The following MYO1D variants were observed in gnomAD, a reference collection of about 807,000 sequenced individuals.
The protein encoded by MYO1D is myosin ID.
Under a neutral mutation model 122.0 loss-of-function variants are expected in MYO1D, and 83 were observed. That is an observed-to-expected ratio of 0.68 (90% CI 0.57 to 0.82). MYO1D has a LOEUF of 0.82. Ranked by LOEUF, MYO1D falls within the 40% of genes least tolerant of loss-of-function variation. The pLI is 0.00. For synonymous variants in MYO1D, 464 were observed against 446.9 expected, an observed-to-expected ratio of 1.04 and a Z score of -0.48; for missense variants, 1,157 against 1,269.5, an observed-to-expected ratio of 0.91 and a Z score of 1.35.
chr17:32,785,362 G>A lies in MYO1D; in HGVS notation c.96-4578C>T, dbSNP rs557986009. ...GTATGGTATTAACAAAACCTTATTC[G>A]TAAGTATTATTCATTTACTTGAGGA... On this transcript the variant is annotated intron_variant, in intron 1 of 21. Coordinates refer to ENST00000318217, the MANE Select transcript of MYO1D (RefSeq NM_015194.3). Among the ~76,000 whole-genome samples the A allele has an allele frequency of 5.9e-5, 9 of 152,092 alleles. No homozygotes were observed. In the South Asian group the frequency reaches 1.5e-3, roughly 25 times the overall value.
chr17:32,736,475 G>T (rs2089702402), intron 14 of MYO1D, among the ~76,000 whole-genome samples: 1 of 152,200 alleles, frequency 6.6e-6, no homozygotes, highest in African/African-American at 2.4e-5. Flanking sequence ...AGAGCGGAAG[G>T]ACAGAAAGAA....
At chr17:32,657,780 A>T (rs757213468) in intron 17 of MYO1D, among the ~76,000 whole-genome samples, 2 of 152,242 alleles carry the variant, frequency 1.3e-5, no homozygotes, top group Non-Finnish European at 2.9e-5. Flanking sequence ...TGAATTTTGT[A>T]CAAAACAATC....
rs138833632 is a variant in MYO1D at position 32,664,986 on chromosome 17, G to A, written c.2122-5648C>T. 2.7e-3 allele frequency among the ~76,000 whole-genome samples: 414 copies of A among 152,054 alleles called. 1 individual carries two copies. The highest frequency in any genetic ancestry group is 9.1e-3 in the African/African-American group (378 of 41,486). ...TCTCCCGCTGTCCTCTCCCCTGCTC[G>A]CTCCCGCCATACTGGCCTCCCTGCT... On this transcript the variant is annotated intron_variant, in intron 16 of 21. Coordinates refer to ENST00000318217, the MANE Select transcript of MYO1D (RefSeq NM_015194.3).
chr17:32,861,478 T>C (rs1567676043), intron 1 of MYO1D, among the ~76,000 whole-genome samples: 2 of 152,208 alleles, frequency 1.3e-5, no homozygotes, highest in South Asian at 4.1e-4. Flanking sequence ...AGAGAGATTA[T>C]AGGAGCTAAA....
At chr17:32,626,320 T>TA (rs2087927806) in intron 20 of MYO1D, among the ~76,000 whole-genome samples, 1 of 152,338 alleles carries the variant, frequency 6.6e-6, no homozygotes, top group African/African-American at 2.4e-5. Flanking sequence ...TGTAGAGATG[T>TA]AAAAAATATA....
chr17:32,639,156 G>A (rs955653975), intron 19 of MYO1D, among the ~76,000 whole-genome samples: 1 of 152,058 alleles, frequency 6.6e-6, no homozygotes, highest in African/African-American at 2.4e-5. Flanking sequence ...AAAGGGACTT[G>A]TATCTGGACT....
intron 1 of MYO1D, among the ~76,000 whole-genome samples, chr17:32,828,581 C>G (rs1366911227): frequency 6.7e-6 from 1 of 149,600 alleles, no homozygotes; most frequent in Non-Finnish European, 1.5e-5. Flanking sequence ...ATGAGTCAAG[C>G]AGAGAATGAG....
intron 16 of MYO1D, among the ~76,000 whole-genome samples, chr17:32,702,279 TTTA>T (rs1356766924): frequency 1.3e-5 from 2 of 152,226 alleles, no homozygotes; most frequent in Non-Finnish European, 2.9e-5. Context: ...CCTGCACTGA[TTTA>T]TTGATAAAAT....
At chr17:32,535,742 C>A (rs1220046135) in intron 21 of MYO1D, among the ~76,000 whole-genome samples, 4 of 150,850 alleles carry the variant, frequency 2.7e-5, no homozygotes, top group Admixed American at 1.3e-4. Context: ...CAGAGCAAGA[C>A]TCCATCTCAA....
intron 10 of MYO1D, 45 bp downstream of exon 10, chr17:32,760,245 A>G: frequency 1.4e-6 from 2 of 1,428,232 alleles, no homozygotes; most frequent in Non-Finnish European, 2.0e-6. Context: ...CATTATCAAT[A>G]ATATGAGAAA....
At chr17:32,828,160 G>A (rs1333297830) in intron 1 of MYO1D, among the ~76,000 whole-genome samples, 3 of 152,178 alleles carry the variant, frequency 2.0e-5, no homozygotes, top group Non-Finnish European at 4.4e-5. Context: ...AAGGTCCTGG[G>A]TAAGAGGTCA....
chr17:32,802,628 T>C (rs1203048673), intron 1 of MYO1D, among the ~76,000 whole-genome samples: 1 of 152,202 alleles, frequency 6.6e-6, no homozygotes, highest in Non-Finnish European at 1.5e-5. Flanking sequence ...AACTTAAAAG[T>C]TGTAAGAAGA....
At position 32,662,201 on chromosome 17, in the gene MYO1D, C is replaced by CA. The variant is rs1346631437; in HGVS notation, c.2122-2864dup. On this transcript the variant is annotated intron_variant, in intron 16 of 21. Coordinates refer to ENST00000318217, the MANE Select transcript of MYO1D (RefSeq NM_015194.3). ...GGATCCGAGTTCTCCCCCACCGCCC[C>CA]ACGCCCAGTAGCTTTCAAGAAAAGG... Among the ~76,000 whole-genome samples the CA allele has an allele frequency of 3.3e-5, 5 of 152,312 alleles. No homozygotes were observed. In the East Asian group the frequency reaches 9.6e-4, roughly 29 times the overall value.
intron 10 of MYO1D, 48 bp from the exon 11 acceptor site, chr17:32,755,710 C>G (rs532040371): frequency 6.5e-7 from 1 of 1,533,320 alleles, no homozygotes; most frequent in South Asian, 1.2e-5. Context: ...AGTGACCAGG[C>G]CAGGTTAAAC....
In MYO1D at chr17:32,793,306, G is replaced by A. The variant is rs558034105; in HGVS notation, c.96-12522C>T. On this transcript the variant is annotated intron_variant, in intron 1 of 21. Transcript: ENST00000318217. Reference sequence around the variant, plus strand: ...ACAACGATAGAGGGTTTAAAAACTAGGCTTTTTTTTTTTTTTTAAACTTAT... The same window carrying A: ...ACAACGATAGAGGGTTTAAAAACTAAGCTTTTTTTTTTTTTTTAAACTTAT... Among the ~76,000 whole-genome samples the A allele has an allele frequency of 6.7e-4, 97 of 145,846 alleles. 1 individual carries two copies. The East Asian group carries it at 9.5e-3, about 14-fold the overall frequency.
At chr17:32,593,110 C>G (rs868112546) in intron 21 of MYO1D, among the ~76,000 whole-genome samples, 3 of 114,178 alleles carry the variant, frequency 2.6e-5, no homozygotes, top group Admixed American at 1.7e-4. Flanking sequence ...CCATGACAAC[C>G]ATTACTCTGG....
At chr17:32,637,209 T>C (rs1597958637) in intron 20 of MYO1D, among the ~76,000 whole-genome samples, 1 of 152,204 alleles carries the variant, frequency 6.6e-6, no homozygotes, top group African/African-American at 2.4e-5. Flanking sequence ...ACAAAACACA[T>C]ACCACAATTA....
intron 17 of MYO1D, among the ~76,000 whole-genome samples, chr17:32,656,339 G>A (rs1303574004): frequency 6.6e-6 from 1 of 152,172 alleles, no homozygotes; most frequent in East Asian, 1.9e-4. Context: ...AAAGTAGAAA[G>A]TGTAATGACT....
intron 13 of MYO1D, among the ~76,000 whole-genome samples, chr17:32,742,984 G>T (rs778116917): frequency 1.3e-5 from 2 of 152,098 alleles, no homozygotes; most frequent in Non-Finnish European, 2.9e-5. Flanking sequence ...GTCAATCTTG[G>T]TCCTCTCATC....
Sources: gnomAD v4.1 joint callset for allele counts (sites outside exome capture counted in the v4.1 genomes callset) on GRCh38, gnomAD v4.1.1 for gene constraint, MANE v1.5 for transcripts, NCBI Gene and HGNC (gene_info 2026-07-23, HGNC 2026-07-21) for gene names.